Variants in SRGAP2C observed in about 807,000 individuals in gnomAD.
SRGAP2C encodes SLIT-ROBO Rho GTPase-activating protein 2C.
A neutral mutation model predicts 25.1 loss-of-function variants in SRGAP2C; 15 were observed. That is an observed-to-expected ratio of 0.60 (90% CI 0.40 to 0.92). SRGAP2C has a LOEUF of 0.92. Among genes scored for constraint, SRGAP2C ranks in the 40% least tolerant of loss-of-function variants. SRGAP2C has a pLI of 0.00. For synonymous variants in SRGAP2C, 44 were observed against 96.6 expected (o/e 0.46, Z 3.19); for missense variants, 144 against 264.4 (o/e 0.54, Z 3.16).
intron 3 of SRGAP2C, among the ~76,000 whole-genome samples, chr1:121,308,845 A>G (rs1405009171): frequency 6.9e-6 from 1 of 144,382 alleles, no homozygotes; most frequent in Non-Finnish European, 1.5e-5. Flanking sequence ...AGGCTGAGGC[A>G]GGAGAATCGC....
Position 121,218,749 on chromosome 1 carries a change from AG to A in SRGAP2C, c.67+31241del, listed in dbSNP as rs1271471148. ...GCGACAGAGTGAGACCCTGTCTCAGAGGGGGAAAAAAAAAGTGAATGTACAC... is the reference window on the plus strand; with the variant it reads ...GCGACAGAGTGAGACCCTGTCTCAGAGGGGAAAAAAAAAGTGAATGTACAC... On this transcript the variant is annotated intron_variant, in intron 2 of 9. Coordinates refer to ENST00000367123, the MANE Select transcript of SRGAP2C (RefSeq NM_001329984.2). Among the ~76,000 whole-genome samples, 8 of 151,980 alleles carry A rather than the reference AG, an allele frequency of 5.3e-5. No individual in the cohort carries two copies. The South Asian group carries it at 1.5e-3, about 28-fold the overall frequency.
rs1278496711 is a variant in SRGAP2C, at chr1:121,391,975, G to T, written c.*4120G>T. On this transcript the variant is annotated 3_prime_UTR_variant, in exon 10 of 10. Coordinates refer to ENST00000367123, the MANE Select transcript of SRGAP2C (RefSeq NM_001329984.2). Reference sequence around the variant, plus strand: ...CATAAACAAAGAAATAAAGGAATCAGAAAAAATATTAAAAAGTAGGAATAT... The same window carrying T: ...CATAAACAAAGAAATAAAGGAATCATAAAAAATATTAAAAAGTAGGAATAT... 1.3e-5 allele frequency: 2 copies of T among 152,266 alleles called. No homozygotes were observed. The highest frequency in any genetic ancestry group is 2.9e-5 in the Non-Finnish European group (2 of 68,044). The allele number at this position is 152,266 out of a possible 1,614,324, so 9.4% of individuals were successfully genotyped here.
intron 2 of SRGAP2C, among the ~76,000 whole-genome samples, chr1:121,239,197 TATA>T (rs1656038756): frequency 2.9e-4 from 1 of 3,468 alleles, no homozygotes; most frequent in African/African-American, 3.0e-3. Context: ...TATATATATA[TATA>T]TATATATATA....
In SRGAP2C at chr1:121,328,454, AACCT is replaced by A. The variant is rs1173614294; in HGVS notation, c.423+3815_423+3818del. ...TGATAATAGAAGTCATTATATTTTG[AACCT>A]CTATGTGCCAGGTATCATGTTAAGC... is the stretch of plus-strand genomic sequence containing the variant. On this transcript the variant is annotated intron_variant, in intron 4 of 9. Transcript: ENST00000367123. Among the ~76,000 whole-genome samples, 4 of 152,160 alleles carry A rather than the reference AACCT, an allele frequency of 2.6e-5. No homozygotes were observed. In the South Asian group the frequency reaches 8.3e-4, roughly 32 times the overall value.
At chr1:121,282,524 A>T (rs1657269505) in intron 2 of SRGAP2C, among the ~76,000 whole-genome samples, 2 of 150,936 alleles carry the variant, frequency 1.3e-5, no homozygotes, top group Admixed American at 6.6e-5. Context: ...GTACCTGGAA[A>T]GCCTTTCCAC....
rs1201920054 is a variant in SRGAP2C at position 121,359,257 on chromosome 1, AC to A, written c.424-6035del. Among the ~76,000 whole-genome samples the A allele has an allele frequency of 5.9e-5, 5 of 85,450 alleles. 2 individuals carry two copies. Among genetic ancestry groups the A allele is most frequent in the African/African-American group, 2.4e-4 (5 of 21,250 alleles). 56.1% of individuals were successfully genotyped at this position (85,450 alleles called of 152,430 possible). On this transcript the variant is annotated intron_variant, in intron 4 of 9. Transcript: ENST00000367123. The stretch of plus-strand genomic sequence containing the variant: ...TTCTTTATTAATTCCTCAAGTACAG[AC>A]TTTTGTATGTAACCAGTCTTTTTAA...
intron 3 of SRGAP2C, among the ~76,000 whole-genome samples, chr1:121,309,440 T>A (rs1364152088): frequency 8.3e-6 from 1 of 120,544 alleles, no homozygotes; most frequent in African/African-American, 3.0e-5. Context: ...TTTTTTTTAA[T>A]ACTTTAAGTT....
intron 2 of SRGAP2C, among the ~76,000 whole-genome samples, chr1:121,249,580 ATTTTTTTTTT>A (rs1159053572): frequency 4.5e-5 from 1 of 22,368 alleles, no homozygotes; most frequent in African/African-American, 2.1e-4. Flanking sequence ...ATATATATAT[ATTTTTTTTTT>A]TTTTTTTTAA....
chr1:121,366,635 T>C (rs1274304340), intron 5 of SRGAP2C, among the ~76,000 whole-genome samples: 2 of 151,652 alleles, frequency 1.3e-5, no homozygotes, highest in Admixed American at 1.3e-4. Flanking sequence ...CTTGTCTTTT[T>C]AATGCTTTAC....
chr1:121,265,851 G>A (rs1433972790), intron 2 of SRGAP2C, among the ~76,000 whole-genome samples: 3 of 151,854 alleles, frequency 2.0e-5, no homozygotes, highest in Non-Finnish European at 4.4e-5. Context: ...GTAACCTAGT[G>A]ATCTGGTGAA....
chr1:121,185,309 C>T (rs1359233652), intron 1 of SRGAP2C, 185 bp downstream of exon 1: 1 of 794,156 alleles, frequency 1.3e-6, no homozygotes, highest in Non-Finnish European at 1.8e-6. Context: ...CCAGTACAGC[C>T]CATAATACTT....
At chr1:121,211,124 AG>A (rs587654976) in intron 2 of SRGAP2C, among the ~76,000 whole-genome samples, 2 of 151,346 alleles carry the variant, frequency 1.3e-5, no homozygotes, top group South Asian at 4.2e-4. Flanking sequence ...TTCAACCTGA[AG>A]GACTCTTCAG....
intron 2 of SRGAP2C, among the ~76,000 whole-genome samples, chr1:121,279,951 T>C (rs1657204138): frequency 6.6e-6 from 1 of 151,070 alleles, no homozygotes; most frequent in Non-Finnish European, 1.5e-5. Flanking sequence ...TGGGTTATTT[T>C]CCCCTTCACT....
chr1:121,339,634 GA>G (rs1658606200), intron 4 of SRGAP2C, among the ~76,000 whole-genome samples: 1 of 142,266 alleles, frequency 7.0e-6, no homozygotes, highest in Admixed American at 7.2e-5. Flanking sequence ...TGTCTTTTTG[GA>G]AATCACTTGT....
intron 2 of SRGAP2C, among the ~76,000 whole-genome samples, chr1:121,264,864 G>T (rs1197832440): frequency 1.7e-4 from 19 of 113,930 alleles, no homozygotes; most frequent in South Asian, 3.4e-4. Flanking sequence ...TGACTAAAAA[G>T]ACTTTTATAT....
chr1:121,306,888 CT>C (rs1162101873), intron 3 of SRGAP2C, among the ~76,000 whole-genome samples: 1 of 152,066 alleles, frequency 6.6e-6, no homozygotes, highest in Non-Finnish European at 1.5e-5. Context: ...ACATAAATAG[CT>C]GAGAACAATA....
At chr1:121,254,077 T>C (rs1348581973) in intron 2 of SRGAP2C, among the ~76,000 whole-genome samples, 2 of 147,808 alleles carry the variant, frequency 1.4e-5, no homozygotes, top group African/African-American at 5.0e-5. Flanking sequence ...CATGCCCAGC[T>C]AATTTTTGCA....
In SRGAP2C at chr1:121,391,203, A is replaced by T. The variant is rs1300301415; in HGVS notation, c.*3348A>T. 1.3e-5 allele frequency: 2 copies of T among 152,174 alleles called. No individual in the cohort carries two copies. Among genetic ancestry groups the T allele is most frequent in the Middle Eastern group, 3.2e-3 (1 of 316 alleles). 9.4% of individuals were successfully genotyped at this position (152,174 alleles called of 1,614,324 possible). On this transcript the variant is annotated 3_prime_UTR_variant, in exon 10 of 10. Coordinates refer to ENST00000367123, the MANE Select transcript of SRGAP2C (RefSeq NM_001329984.2). Reference sequence around the variant, plus strand: ...GAGAAACCTCGTCTCTACTAAAAACACAAAAAAATTAGCTGGGCGTGGTGG... The same window carrying T: ...GAGAAACCTCGTCTCTACTAAAAACTCAAAAAAATTAGCTGGGCGTGGTGG...
chr1:121,359,948 G>A (rs1298673655), intron 4 of SRGAP2C, among the ~76,000 whole-genome samples: 1 of 152,198 alleles, frequency 6.6e-6, no homozygotes, highest in African/African-American at 2.4e-5. Flanking sequence ...CTGTAAAAAT[G>A]CACCAATCAG....
Sources: gnomAD v4.1 joint callset for allele counts (sites outside exome capture counted in the v4.1 genomes callset) on GRCh38, gnomAD v4.1.1 for gene constraint, MANE v1.5 for transcripts, NCBI Gene and HGNC (gene_info 2026-07-23, HGNC 2026-07-21) for gene names.